Variants in CRHR1 observed in about 807,000 individuals in gnomAD.
CRHR1 encodes corticotropin releasing hormone receptor 1.
A neutral mutation model predicts 56.0 loss-of-function variants in CRHR1; 28 were observed. The ratio of observed to expected loss-of-function variants is 0.50; its 90% CI spans 0.37 to 0.69. The LOEUF (loss-of-function observed/expected upper bound fraction) is 0.69, where lower values mean the gene tolerates loss of function less well. Among genes scored for constraint, CRHR1 ranks in the 30% least tolerant of loss-of-function variants. The pLI, the probability that CRHR1 is intolerant of heterozygous loss-of-function variation, is 0.00. For synonymous variants in CRHR1, 195 were observed against 216.5 expected (o/e 0.90, Z 0.87); for missense variants, 376 against 548.0 (o/e 0.69, Z 3.13).
chr17:45,786,863 A>G (rs1740104440), intron 1 of CRHR1, among the ~76,000 whole-genome samples: 1 of 151,568 alleles, frequency 6.6e-6, no homozygotes, highest in Admixed American at 6.6e-5. Context: ...CTGGTCTCAA[A>G]CTCCTGGGCT....
chr17:45,822,838 C>T (rs1226060714), intron 4 of CRHR1, among the ~76,000 whole-genome samples: 1 of 139,360 alleles, frequency 7.2e-6, no homozygotes, highest in Admixed American at 7.4e-5. Flanking sequence ...GCAAAAAGAG[C>T]GAAATTCCAT....
chr17:45,826,358 G>T (rs1258185678), intron 4 of CRHR1: 2 of 152,310 alleles, frequency 1.3e-5, no homozygotes, highest in African/African-American at 4.8e-5. Context: ...GCTTCTGTCT[G>T]GGTGTCGCAG....
chr17:45,787,309 G>C (rs1000984497), intron 1 of CRHR1, among the ~76,000 whole-genome samples: 10 of 152,090 alleles, frequency 6.6e-5, no homozygotes, highest in African/African-American at 2.2e-4. Flanking sequence ...GAGCACCTCG[G>C]AGTCAGCCAC....
At position 45,830,535 on chromosome 17, in the gene CRHR1, G is replaced by A. The variant is rs376604761; in HGVS notation, c.674G>A (p.Arg225Gln). The A allele has an allele frequency of 1.5e-5, 24 of 1,612,874 alleles. No individual in the cohort carries two copies. Among genetic ancestry groups the A allele is most frequent in the African/African-American group, 5.3e-5 (4 of 74,926 alleles). The change falls in exon 7 of 13, where the codon CGG becomes CAG. Residue 225 changes from arginine to glutamine, a missense_variant. By Grantham distance (43) the Arg-to-Gln change is conservative. Around this residue, in one of 2 missense-constraint regions of CRHR1, gnomAD observed 369 missense variants for 519.5 expected, o/e 0.71. Transcript: ENST00000314537. Reference protein sequence around the residue: ...TAIVLTYSTDRLRKWMFICIG... With the variant: ...TAIVLTYSTDQLRKWMFICIG... ...ATCGTGCTCACCTACTCCACTGACC[G>A]GCTGCGCAAATGGATGTTCATCTGC...
In CRHR1 at chr17:45,807,084, C is replaced by T. The variant is rs763906366; in HGVS notation, c.108C>T (p.Ala36=). ...QDQHCESLSL[A]SNISGLQCNA... is the part of the protein sequence containing the mutation. Reference sequence around the variant, plus strand: ...AGCACTGCGAGAGCCTGTCCCTGGCCAGCAACATCTCAGGTGAGTCCCCTC... The same window carrying T: ...AGCACTGCGAGAGCCTGTCCCTGGCTAGCAACATCTCAGGTGAGTCCCCTC... The change falls in exon 2 of 13, where the codon GCC becomes GCT. Residue 36 remains alanine (A), a synonymous_variant. Coordinates refer to ENST00000314537, the MANE Select transcript of CRHR1 (RefSeq NM_004382.5). 6.2e-7 allele frequency: 1 copy of T among 1,614,076 alleles called. No individual in the cohort carries two copies. The highest frequency in any genetic ancestry group is 1.1e-5 in the South Asian group (1 of 91,052).
rs71138510 is a variant in CRHR1, at chr17:45,803,775, T to TGTGTGTGTGCGC, written c.34-3234_34-3233insTGTGTGTGCGCG. 1.1e-4 allele frequency among the ~76,000 whole-genome samples: 16 copies of TGTGTGTGTGCGC among 150,336 alleles called. No individual in the cohort carries two copies. The East Asian group carries it at 1.2e-3, about 11-fold the overall frequency. On this transcript the variant is annotated intron_variant, in intron 1 of 12. Coordinates refer to ENST00000314537, the MANE Select transcript of CRHR1 (RefSeq NM_004382.5). ...GAGAGTGCGTGTGTGTGTGTGTGTG[T>TGTGTGTGTGCGC]GCGTGCGCGTGCGCGTGTGTGCATG...
intron 1 of CRHR1, 104 bp from the exon 2 acceptor site, chr17:45,806,906 C>T: frequency 5.6e-6 from 5 of 899,518 alleles, no homozygotes; most frequent in Non-Finnish European, 8.7e-6. Flanking sequence ...GGAGGGGAGG[C>T]AGGCAGGTGC....
At chr17:45,801,721 T>C (rs2061625987) in intron 1 of CRHR1, among the ~76,000 whole-genome samples, 1 of 152,182 alleles carries the variant, frequency 6.6e-6, no homozygotes, top group South Asian at 2.1e-4. Context: ...AACTTGGTTC[T>C]GAAAGGAGCG....
intron 2 of CRHR1, among the ~76,000 whole-genome samples, chr17:45,815,930 C>T (rs908847308): frequency 6.6e-6 from 1 of 152,132 alleles, no homozygotes; most frequent in Admixed American, 6.5e-5. Flanking sequence ...ACAGGCCAGC[C>T]GGAAGAAGGA....
At chr17:45,824,963 C>G (rs2143169013) in intron 4 of CRHR1, among the ~76,000 whole-genome samples, 1 of 152,206 alleles carries the variant, frequency 6.6e-6, no homozygotes, top group African/African-American at 2.4e-5. Context: ...CATCTCTTTC[C>G]TCTGCAGCCC....
chr17:45,831,271 G>A (rs896574301), intron 8 of CRHR1, among the ~76,000 whole-genome samples: 2 of 152,224 alleles, frequency 1.3e-5, no homozygotes, highest in African/African-American at 4.8e-5. Flanking sequence ...CTGTAAAATG[G>A]ACATGCTACT....
chr17:45,793,401 A>G (rs904854571), intron 1 of CRHR1, among the ~76,000 whole-genome samples: 11 of 152,138 alleles, frequency 7.2e-5, no homozygotes, highest in African/African-American at 1.4e-4. Flanking sequence ...GAGCAGGGTC[A>G]GGGCACTCTA....
In CRHR1 at chr17:45,806,894, T is replaced by A. The variant is rs2061730133; in HGVS notation, c.34-116T>A. On this transcript the variant is annotated intron_variant, in intron 1 of 12. Transcript: ENST00000314537. ...GGAAGCGACTGGATGTGTGACAGGG[T>A]GGGAGGGGAGGCAGGCAGGTGCAGT... The A allele has an allele frequency of 1.7e-5, 13 of 780,726 alleles. No individual in the cohort carries two copies. In the South Asian group the frequency reaches 2.1e-4, roughly 13 times the overall value. The allele number at this position is 780,726 out of a possible 1,614,324, so 48.4% of individuals were successfully genotyped here.
chr17:45,809,756 C>A (rs766830464), intron 2 of CRHR1, among the ~76,000 whole-genome samples: 11 of 152,214 alleles, frequency 7.2e-5, no homozygotes, highest in Non-Finnish European at 8.8e-5. Flanking sequence ...CTTTGGGGGG[C>A]CTTTTACGTG....
At chr17:45,814,774 A>G (rs2143038578) in intron 2 of CRHR1, among the ~76,000 whole-genome samples, 1 of 152,286 alleles carries the variant, frequency 6.6e-6, no homozygotes, top group South Asian at 2.1e-4. Context: ...GATAACATTC[A>G]CAGAGACTCC....
At chr17:45,800,851 C>T (rs910829657) in intron 1 of CRHR1, 2 of 152,244 alleles carry the variant, frequency 1.3e-5, no homozygotes, top group African/African-American at 4.8e-5. Context: ...TTGTAGGAAC[C>T]AGGCCTGAGA....
intron 2 of CRHR1, among the ~76,000 whole-genome samples, chr17:45,809,061 G>A (rs2061770587): frequency 6.6e-6 from 1 of 152,196 alleles, no homozygotes; most frequent in Non-Finnish European, 1.5e-5. Context: ...CTTCCTGAAG[G>A]AGGAATTTTC....
intron 2 of CRHR1, among the ~76,000 whole-genome samples, chr17:45,812,208 C>A (rs1318069828): frequency 2.6e-5 from 4 of 152,110 alleles, no homozygotes; most frequent in Admixed American, 6.5e-5. Context: ...GGAATAATTT[C>A]AAGAAAAAAG....
intron 10 of CRHR1, 63 bp from the exon 11 acceptor site, chr17:45,833,651 C>T (rs954603376): frequency 1.4e-5 from 23 of 1,602,946 alleles, no homozygotes; most frequent in Non-Finnish European, 1.8e-5. Flanking sequence ...CTTTGCCGAG[C>T]CAGCGGGCAG....
Sources: allele counts gnomAD v4.1 joint callset (sites outside exome capture counted in the v4.1 genomes callset), GRCh38; gene constraint gnomAD v4.1.1; regional missense constraint gnomAD v4.1.1; transcripts MANE v1.5; gene names NCBI Gene and HGNC (gene_info 2026-07-23, HGNC 2026-07-21).